Variants in MIB1 observed in about 807,000 individuals in gnomAD.
MIB1 encodes MIB E3 ubiquitin protein ligase 1.
In MIB1, 278 loss-of-function variants were observed where a neutral mutation model predicts 124.5. That is an observed-to-expected ratio of 2.23 (90% confidence interval 2.02 to 2.47). The LOEUF (loss-of-function observed/expected upper bound fraction) is 2.47. Among genes scored for constraint, MIB1 ranks in the 30% most tolerant of loss-of-function variants. MIB1 has a pLI of 0.00. For missense variants in MIB1, 957 were observed against 1,254.4 expected (o/e 0.76, Z 3.58); for synonymous variants, 446 against 429.4 (o/e 1.04, Z -0.48).
intron 3 of MIB1, among the ~76,000 whole-genome samples, chr18:21,769,355 C>T (rs1422092705): frequency 6.6e-6 from 1 of 152,074 alleles, no homozygotes; most frequent in Non-Finnish European, 1.5e-5. Context: ...ACTTGGAGAA[C>T]GTGAGTCAGG....
intron 6 of MIB1, among the ~76,000 whole-genome samples, chr18:21,789,664 A>G (rs2041479579): frequency 6.6e-6 from 1 of 152,170 alleles, no homozygotes; most frequent in Admixed American, 6.5e-5. Context: ...TAAAAATACA[A>G]AAATTAGCTG....
chr18:21,724,727 A>AATATATATATAT (rs60650753), intron 1 of MIB1, among the ~76,000 whole-genome samples: 30 of 17,366 alleles, frequency 1.7e-3, no homozygotes, highest in Non-Finnish European at 2.4e-3. Flanking sequence ...AAAAAAAAAA[A>AATATATATATAT]ATATATATAT....
chr18:21,725,864 C>A (rs1345105565), intron 1 of MIB1, among the ~76,000 whole-genome samples: 3 of 152,114 alleles, frequency 2.0e-5, no homozygotes, highest in Non-Finnish European at 4.4e-5. Context: ...TTTAATAAAA[C>A]CTCAATATAA....
chr18:21,748,347 TCCTCTCTCCCTCCCTCCCTC>T (rs1568184955), intron 1 of MIB1, among the ~76,000 whole-genome samples: 1 of 148,172 alleles, frequency 6.7e-6, no homozygotes, highest in Non-Finnish European at 1.5e-5. Context: ...TTGCTTTTCT[TCCTCTCTCCCTCCCTCCCTC>T]CCTCTCTCCC....
chr18:21,850,228 A>G (rs192804647), intron 17 of MIB1, among the ~76,000 whole-genome samples: 7 of 152,150 alleles, frequency 4.6e-5, no homozygotes, highest in African/African-American at 1.4e-4. Context: ...TCAATACTCA[A>G]ATGTGTGTGT....
intron 15 of MIB1, among the ~76,000 whole-genome samples, chr18:21,846,500 G>A (rs1438939985): frequency 1.3e-5 from 2 of 152,120 alleles, no homozygotes; most frequent in African/African-American, 4.8e-5. Context: ...TCAATTCCTA[G>A]TCATTGGTTC....
chr18:21,721,644 T>C (rs1284180405), intron 1 of MIB1, among the ~76,000 whole-genome samples: 1 of 152,136 alleles, frequency 6.6e-6, no homozygotes, highest in Non-Finnish European at 1.5e-5. Flanking sequence ...TGAAAAGCAA[T>C]TGTGTATGTA....
At chr18:21,796,882 A>G (rs2041588219) in intron 7 of MIB1, among the ~76,000 whole-genome samples, 1 of 152,244 alleles carries the variant, frequency 6.6e-6, no homozygotes, top group African/African-American at 2.4e-5. Context: ...ACGAGTTATT[A>G]AAACTACACC....
rs1023924843 is a variant in MIB1 at position 21,741,443 on chromosome 18, A to C, written c.-141A>C. 29 of 383,918 alleles carry C rather than the reference A, an allele frequency of 7.6e-5. No homozygotes were observed. Among genetic ancestry groups the C allele is most frequent in the Non-Finnish European group, 8.4e-6 (2 of 238,586 alleles). The allele number at this position is 383,918 out of a possible 1,614,324, so 23.8% of individuals were successfully genotyped here. On this transcript the variant is annotated 5_prime_UTR_variant, in exon 1 of 21. Transcript: ENST00000261537. This position sits in a 1 kb window ranked among gnomAD's most constrained non-coding sequence, Gnocchi z 5.4. The stretch of plus-strand genomic sequence containing the variant: ...CGGGGACCGCGCCGCCGCCCCCGTG[A>C]GTTATTCTCACGTCCCCCGGGGCTC...
chr18:21,856,236 C>CA (rs5823315), intron 18 of MIB1, among the ~76,000 whole-genome samples: 3,981 of 122,956 alleles, frequency 0.032, 181 homozygotes, highest in African/African-American at 0.091. Context: ...GACTCCGTCT[C>CA]AAAAAAAAAA....
In MIB1 at chr18:21,741,038, G is replaced by A. The variant is rs1008476379; in HGVS notation, c.-546G>A. 1.3e-5 allele frequency among the ~76,000 whole-genome samples: 2 copies of A among 152,122 alleles called. No homozygotes were observed. The highest frequency in any genetic ancestry group is 4.8e-5 in the African/African-American group (2 of 41,456). ...GGGGCAGAGAGAAGGGGGCCTGAGG[G>A]CCCGGGCGCTCGCCGGACGCCGGGA... On this transcript the variant is annotated 5_prime_UTR_variant, in exon 1 of 21. Coordinates refer to ENST00000261537, the MANE Select transcript of MIB1 (RefSeq NM_020774.4). The surrounding 1 kb of genome is among the most constrained non-coding windows in gnomAD (Gnocchi z 5.4).
chr18:21,842,298 G>A (rs546537639), intron 13 of MIB1, among the ~76,000 whole-genome samples: 11 of 152,120 alleles, frequency 7.2e-5, no homozygotes, highest in African/African-American at 2.2e-4. Flanking sequence ...AGACCTAAAC[G>A]AAATGATCGG....
At chr18:21,803,208 G>T (rs1196280389) in intron 9 of MIB1, among the ~76,000 whole-genome samples, 1 of 151,936 alleles carries the variant, frequency 6.6e-6, no homozygotes, top group Non-Finnish European at 1.5e-5. Context: ...TGTCATTTTA[G>T]TGTGGTTTCA....
rs778700059 is a variant in MIB1, at chr18:21,741,822, G to A, written c.229+10G>A. On this transcript the variant is annotated intron_variant, in intron 1 of 20. Transcript: ENST00000261537. This position sits in a 1 kb window ranked among gnomAD's most constrained non-coding sequence, Gnocchi z 5.4. Reference sequence around the variant, plus strand: ...GACAGCGCGCCCACCGGTAAGCCGCGGCCACCTGGCCAGGGCTTGCGCGCG... The same window carrying A: ...GACAGCGCGCCCACCGGTAAGCCGCAGCCACCTGGCCAGGGCTTGCGCGCG... 1.3e-6 allele frequency: 2 copies of A among 1,579,776 alleles called. No individual in the cohort carries two copies. Among genetic ancestry groups the A allele is most frequent in the Non-Finnish European group, 1.7e-6 (2 of 1,163,762 alleles).
At chr18:21,720,018 A>C (rs540453588) in intron 1 of MIB1, among the ~76,000 whole-genome samples, 1 of 152,294 alleles carries the variant, frequency 6.6e-6, no homozygotes, top group Admixed American at 6.5e-5. Context: ...TTTTGCAGAA[A>C]ACTTTGGTCA....
At chr18:21,806,738 C>G (rs2041712492) in intron 10 of MIB1, among the ~76,000 whole-genome samples, 1 of 152,168 alleles carries the variant, frequency 6.6e-6, no homozygotes, top group African/African-American at 2.4e-5. Flanking sequence ...ATTCTCCCGC[C>G]TCAGCCTCCC....
At chr18:21,749,394 A>C (rs2040947983) in intron 1 of MIB1, among the ~76,000 whole-genome samples, 1 of 152,170 alleles carries the variant, frequency 6.6e-6, no homozygotes, top group African/African-American at 2.4e-5. Context: ...CTTTTGATAG[A>C]CATTTATAGT....
intron 1 of MIB1, among the ~76,000 whole-genome samples, chr18:21,758,967 A>G (rs912332776): frequency 3.3e-5 from 5 of 152,134 alleles, no homozygotes; most frequent in African/African-American, 1.2e-4. Context: ...CATAACATTT[A>G]ATGTATACAA....
intron 10 of MIB1, among the ~76,000 whole-genome samples, chr18:21,813,461 G>T (rs1277312885): frequency 2.0e-5 from 3 of 152,138 alleles, no homozygotes; most frequent in Admixed American, 2.0e-4. Flanking sequence ...CCAGGGAAAA[G>T]GCACAAGAGT....
Sources: allele counts gnomAD v4.1 joint callset (sites outside exome capture counted in the v4.1 genomes callset), GRCh38; gene constraint gnomAD v4.1.1; non-coding constraint Gnocchi (gnomAD v3.1); transcripts MANE v1.5; gene names NCBI Gene and HGNC (gene_info 2026-07-23, HGNC 2026-07-21).